CERS6: variants seen among roughly 807,000 people sequenced by gnomAD.
CERS6 encodes the protein LAG1 homolog, ceramide synthase 6.
Under a neutral mutation model 56.8 loss-of-function variants are expected in CERS6, and 26 were observed. The ratio of observed to expected loss-of-function variants is 0.46; its 90% CI spans 0.34 to 0.63. The LOEUF (loss-of-function observed/expected upper bound fraction) is 0.63. Among genes scored for constraint, CERS6 ranks in the 30% least tolerant of loss-of-function variants. CERS6 has a pLI of 0.01. For missense variants in CERS6, 415 were observed against 467.5 expected, an observed-to-expected ratio of 0.89 and a Z score of 1.04; for synonymous variants, 164 against 173.3, an observed-to-expected ratio of 0.95 and a Z score of 0.42.
chr2:168,764,661 T>C (rs562200205), intron 8 of CERS6, among the ~76,000 whole-genome samples: 29 of 152,294 alleles, frequency 1.9e-4, no homozygotes, highest in African/African-American at 6.0e-4. Context: ...GGCTTGTACT[T>C]AAGTAATGTT....
chr2:168,674,200 A>G (rs1035669001), intron 4 of CERS6, among the ~76,000 whole-genome samples: 2 of 152,208 alleles, frequency 1.3e-5, no homozygotes, highest in African/African-American at 4.8e-5. Context: ...ACCTTTTCCT[A>G]TATAATTGCT....
intron 4 of CERS6, among the ~76,000 whole-genome samples, chr2:168,652,117 A>G (rs999668706): frequency 6.6e-6 from 1 of 152,014 alleles, no homozygotes; most frequent in African/African-American, 2.4e-5. Flanking sequence ...CAGTATTGTA[A>G]ATTGCAGTCA....
At chr2:168,547,944 A>G (rs1288628111) in intron 2 of CERS6, among the ~76,000 whole-genome samples, 2 of 152,186 alleles carry the variant, frequency 1.3e-5, no homozygotes, top group Non-Finnish European at 2.9e-5. Flanking sequence ...TTGACTAAAT[A>G]ATGATTAGTC....
At chr2:168,679,506 G>A (rs371127322) in intron 4 of CERS6, among the ~76,000 whole-genome samples, 80 of 152,268 alleles carry the variant, frequency 5.3e-4, no homozygotes, top group Middle Eastern at 3.4e-3. Context: ...GTCTATTAGG[G>A]GTTGTTAAAA....
chr2:168,673,533 T>G (rs1418317514), intron 4 of CERS6, among the ~76,000 whole-genome samples: 2 of 152,162 alleles, frequency 1.3e-5, no homozygotes, highest in Admixed American at 1.3e-4. Context: ...GTGGTGAAAT[T>G]TAGGGCTTGA....
intron 3 of CERS6, among the ~76,000 whole-genome samples, chr2:168,574,370 TTGTGTGTGTGTGTGTGTGTGTGTGTGTG>T (rs59913751): frequency 6.7e-6 from 1 of 148,696 alleles, no homozygotes; most frequent in Non-Finnish European, 1.5e-5. Flanking sequence ...TCAATAAGTT[TTGTGTGTGTGTGTGTGTGTGTGTGTGTG>T]TGTGTGTGTG....
At chr2:168,558,528 A>G (rs1695723054) in intron 2 of CERS6, among the ~76,000 whole-genome samples, 1 of 152,246 alleles carries the variant, frequency 6.6e-6, no homozygotes, top group South Asian at 2.1e-4. Flanking sequence ...AAGGGGTGAT[A>G]TAATAATATA....
intron 1 of CERS6, among the ~76,000 whole-genome samples, chr2:168,465,650 G>A (rs1361172715): frequency 6.6e-6 from 1 of 152,144 alleles, no homozygotes; most frequent in African/African-American, 2.4e-5. Context: ...AAATACTGTA[G>A]GATCCTACTT....
Position 168,661,455 on chromosome 2 carries a change from C to T in CERS6, c.466-29579C>T, listed in dbSNP as rs141566592. Reference sequence around the variant, plus strand: ...ATAAGTGGAAAGGAGCACAGCGATTCACATAATCACATTTTTCATCTCCGA... The same window carrying T: ...ATAAGTGGAAAGGAGCACAGCGATTTACATAATCACATTTTTCATCTCCGA... On this transcript the variant is annotated intron_variant, in intron 4 of 9. Transcript: ENST00000305747. Among the ~76,000 whole-genome samples, 35 of 152,278 alleles carry T rather than the reference C, an allele frequency of 2.3e-4. No homozygotes were observed. The East Asian group carries it at 6.0e-3, about 26-fold the overall frequency.
chr2:168,507,908 A>G (rs1355663467), intron 1 of CERS6, among the ~76,000 whole-genome samples: 1 of 152,120 alleles, frequency 6.6e-6, no homozygotes, highest in Non-Finnish European at 1.5e-5. Flanking sequence ...AGATATTTCA[A>G]GTTGCTAACT....
At chr2:168,471,904 T>C (rs1357657047) in intron 1 of CERS6, among the ~76,000 whole-genome samples, 3 of 152,350 alleles carry the variant, frequency 2.0e-5, no homozygotes, top group South Asian at 2.1e-4. Context: ...GTTACACTTA[T>C]CTTTGCAGGT....
intron 4 of CERS6, among the ~76,000 whole-genome samples, chr2:168,675,075 G>A (rs530805031): frequency 1.3e-5 from 2 of 152,088 alleles, no homozygotes; most frequent in South Asian, 4.2e-4. Context: ...CTGGGTTCAA[G>A]CAATCCCTCT....
At chr2:168,521,331 T>C (rs746061854) in intron 1 of CERS6, among the ~76,000 whole-genome samples, 1 of 152,184 alleles carries the variant, frequency 6.6e-6, no homozygotes, top group Non-Finnish European at 1.5e-5. Flanking sequence ...CCTATTGATT[T>C]GACTTTTCAA....
intron 1 of CERS6, among the ~76,000 whole-genome samples, chr2:168,487,330 T>A (rs185372660): frequency 2.0e-5 from 3 of 152,356 alleles, no homozygotes; most frequent in Admixed American, 6.5e-5. Flanking sequence ...AGAATTTTCC[T>A]TCCCTTGCTT....
rs542636514 is a variant in CERS6 at position 168,724,223 on chromosome 2, C to T, written c.845+6245C>T. On this transcript the variant is annotated intron_variant, in intron 8 of 9. Transcript: ENST00000305747. ...GCAGTGAGTGTTACAGCTCTTAAGA[C>T]GGTGCGTCTGGAGTTGTTCATTCCT... Among the ~76,000 whole-genome samples, 13 of 150,228 alleles carry T rather than the reference C, an allele frequency of 8.7e-5. No individual in the cohort carries two copies. The South Asian group carries it at 1.3e-3, about 15-fold the overall frequency.
intron 3 of CERS6, among the ~76,000 whole-genome samples, chr2:168,568,665 A>G (rs1203799778): frequency 6.6e-6 from 1 of 152,244 alleles, no homozygotes; most frequent in Non-Finnish European, 1.5e-5. Flanking sequence ...TTTTTAATAG[A>G]ACCAGCCTCA....
At chr2:168,491,275 T>G (rs1483747530) in intron 1 of CERS6, among the ~76,000 whole-genome samples, 1 of 152,236 alleles carries the variant, frequency 6.6e-6, no homozygotes, top group Non-Finnish European at 1.5e-5. Context: ...TAAGGAGTGC[T>G]TCTTCCTTTG....
chr2:168,551,434 C>T (rs960517307), intron 2 of CERS6, among the ~76,000 whole-genome samples: 42 of 152,324 alleles, frequency 2.8e-4, no homozygotes, highest in African/African-American at 1.0e-3. Flanking sequence ...TCTGCTGCGT[C>T]CCGTCATTGT....
chr2:168,524,489 G>A (rs1695036156), intron 1 of CERS6, among the ~76,000 whole-genome samples: 1 of 152,198 alleles, frequency 6.6e-6, no homozygotes, highest in African/African-American at 2.4e-5. Context: ...GCTGAAATGA[G>A]AATGGAGACT....
Sources: allele counts gnomAD v4.1 joint callset (sites outside exome capture counted in the v4.1 genomes callset), GRCh38; gene constraint gnomAD v4.1.1; transcripts MANE v1.5; gene names NCBI Gene and HGNC (gene_info 2026-07-23, HGNC 2026-07-21).